The following PPP1R9A variants were observed in gnomAD, a reference collection of about 807,000 sequenced individuals.
PPP1R9A encodes protein phosphatase 1 regulatory subunit 9A, also known as neurabin-1.
A neutral mutation model predicts 141.9 loss-of-function variants in PPP1R9A; 59 were observed. That is an observed-to-expected ratio of 0.42 (90% CI 0.34 to 0.52). The LOEUF is 0.52. PPP1R9A is among the 20% of genes least tolerant of loss of function. The probability of loss-of-function intolerance (pLI) is 0.10; values close to 1 mark genes in which losing one functional copy is unlikely to be tolerated. For missense variants in PPP1R9A, 1,444 were observed against 1,611.9 expected (o/e 0.90, Z 1.78); for synonymous variants, 500 against 569.7 (o/e 0.88, Z 1.74).
At chr7:95,130,728 A>G (rs1182970293) in intron 4 of PPP1R9A, among the ~76,000 whole-genome samples, 1 of 152,152 alleles carries the variant, frequency 6.6e-6, no homozygotes, top group Non-Finnish European at 1.5e-5. Flanking sequence ...CACCTCTTAT[A>G]TCATGTGACC....
intron 2 of PPP1R9A, among the ~76,000 whole-genome samples, chr7:94,995,430 C>G (rs1802051106): frequency 6.6e-6 from 1 of 151,948 alleles, no homozygotes; most frequent in African/African-American, 2.4e-5. Flanking sequence ...GGACTCAAAT[C>G]ACACATATGT....
intron 4 of PPP1R9A, among the ~76,000 whole-genome samples, chr7:95,140,233 G>A (rs1266750511): frequency 6.6e-6 from 1 of 152,106 alleles, no homozygotes; most frequent in Non-Finnish European, 1.5e-5. Flanking sequence ...GACTAACAAA[G>A]GGAAAAAGTG....
At chr7:95,101,187 T>C (rs1818751090) in intron 2 of PPP1R9A, among the ~76,000 whole-genome samples, 1 of 152,156 alleles carries the variant, frequency 6.6e-6, no homozygotes, top group Non-Finnish European at 1.5e-5. Flanking sequence ...TGTTTTCACT[T>C]AAAATGAGGT....
chr7:94,999,159 T>C (rs972571862), intron 2 of PPP1R9A, among the ~76,000 whole-genome samples: 16 of 152,224 alleles, frequency 1.1e-4, no homozygotes, highest in African/African-American at 3.9e-4. Context: ...GAACTCTAAG[T>C]AGTAGATCAT....
chr7:95,257,747 A>G (rs953727536), intron 12 of PPP1R9A, among the ~76,000 whole-genome samples: 6 of 151,982 alleles, frequency 3.9e-5, no homozygotes, highest in African/African-American at 1.2e-4. Flanking sequence ...ATTCTCACCT[A>G]TGAGTGAGAA....
rs148499510 is a variant in PPP1R9A, at chr7:95,007,508, C to T, written c.1395+96000C>T. 1.3e-3 allele frequency among the ~76,000 whole-genome samples: 198 copies of T among 152,270 alleles called. 1 individual carries two copies. The highest frequency in any genetic ancestry group is 4.3e-3 in the African/African-American group (178 of 41,564). ...TGTTTGTATTCTCTCATTTCCCATA[C>T]ATATGTCTCCTCAATTGTGTTATTA... On this transcript the variant is annotated intron_variant, in intron 2 of 19. Transcript: ENST00000433360.
chr7:94,984,811 G>GT (rs1251858690), intron 2 of PPP1R9A, among the ~76,000 whole-genome samples: 3 of 152,040 alleles, frequency 2.0e-5, no homozygotes, highest in East Asian at 1.9e-4. Flanking sequence ...TTTTTGAAGG[G>GT]TTTTTTGTGT....
At chr7:95,184,602 G>A (rs993864613) in intron 5 of PPP1R9A, among the ~76,000 whole-genome samples, 10 of 152,096 alleles carry the variant, frequency 6.6e-5, no homozygotes, top group African/African-American at 1.9e-4. Flanking sequence ...TGTGTAGTCT[G>A]TTATCCCTCA....
intron 1 of PPP1R9A, 25 bp from the exon 2 acceptor site, chr7:94,909,873 A>G (rs186021129): frequency 1.6e-4 from 60 of 365,514 alleles, no homozygotes; most frequent in African/African-American, 8.6e-4. Context: ...AAATGAATTC[A>G]GAAATTCATT....
chr7:95,017,031 A>C (rs2151678219), intron 2 of PPP1R9A, among the ~76,000 whole-genome samples: 1 of 152,282 alleles, frequency 6.6e-6, no homozygotes, highest in East Asian at 1.9e-4. Context: ...AGCCATATGA[A>C]GATGGAGACA....
chr7:95,272,153 T>C (rs1056251483), intron 14 of PPP1R9A, among the ~76,000 whole-genome samples: 1 of 152,210 alleles, frequency 6.6e-6, no homozygotes, highest in African/African-American at 2.4e-5. Flanking sequence ...TGTTTTCGTG[T>C]ACATTGCCTC....
Position 95,093,142 on chromosome 7 carries a change from G to A in PPP1R9A, c.1396-18117G>A, listed in dbSNP as rs145548672. 6.4e-3 allele frequency among the ~76,000 whole-genome samples: 977 copies of A among 151,944 alleles called. 10 individuals are homozygous for A. The highest frequency in any genetic ancestry group is 0.022 in the African/African-American group (928 of 41,422). On this transcript the variant is annotated intron_variant, in intron 2 of 19. Transcript: ENST00000433360. Reference sequence around the variant, plus strand: ...TTATTTTGTTTTGTTTTTTTGGCTCGGGAGAGGACAGGCACCAACAGATAG... The same window carrying A: ...TTATTTTGTTTTGTTTTTTTGGCTCAGGAGAGGACAGGCACCAACAGATAG...
intron 2 of PPP1R9A, among the ~76,000 whole-genome samples, chr7:94,965,363 CT>C (rs1271883832): frequency 1.3e-5 from 2 of 151,978 alleles, no homozygotes; most frequent in Non-Finnish European, 2.9e-5. Flanking sequence ...ATTGCTATTG[CT>C]TTTGGTGTTT....
chr7:95,293,268 C>T lies in PPP1R9A; in HGVS notation c.*2965C>T, dbSNP rs968137090. On this transcript the variant is annotated 3_prime_UTR_variant, in exon 20 of 20. Coordinates refer to ENST00000433360, the MANE Select transcript of PPP1R9A (RefSeq NM_001166160.2). Reference sequence around the variant, plus strand: ...AGACCATCTCCCTTCAAGTAACTCACAGTTTATGTAATACTAATCTCATTC... The same window carrying T: ...AGACCATCTCCCTTCAAGTAACTCATAGTTTATGTAATACTAATCTCATTC... The T allele has an allele frequency of 6.6e-6, 1 of 152,166 alleles. No homozygotes were observed. Among genetic ancestry groups the T allele is most frequent in the Non-Finnish European group, 1.5e-5 (1 of 68,030 alleles). The allele number at this position is 152,166 out of a possible 1,614,324, so 9.4% of individuals were successfully genotyped here. A position where few individuals can be genotyped will look rare whatever the true frequency, so the allele number is the denominator to read the frequency against.
At chr7:94,957,229 C>G (rs751936256) in intron 2 of PPP1R9A, among the ~76,000 whole-genome samples, 2 of 152,098 alleles carry the variant, frequency 1.3e-5, no homozygotes, top group Non-Finnish European at 2.9e-5. Flanking sequence ...CACTCATGTG[C>G]TGTACAGTTT....
intron 2 of PPP1R9A, among the ~76,000 whole-genome samples, chr7:94,918,827 A>G (rs1008483629): frequency 4.6e-5 from 7 of 152,342 alleles, no homozygotes; most frequent in African/African-American, 1.7e-4. Context: ...ACACTACAGG[A>G]AAGTCTAGAG....
intron 2 of PPP1R9A, among the ~76,000 whole-genome samples, chr7:95,090,683 A>G (rs943596048): frequency 2.6e-5 from 4 of 151,690 alleles, no homozygotes; most frequent in East Asian, 1.9e-4. Context: ...TGGTGTGCAC[A>G]TATAATCCCA....
chr7:95,160,118 A>T (rs943760499), intron 4 of PPP1R9A, among the ~76,000 whole-genome samples: 5 of 151,956 alleles, frequency 3.3e-5, no homozygotes, highest in African/African-American at 9.7e-5. Context: ...ATGTAAAAGT[A>T]TTATACAATA....
chr7:95,209,226 T>C (rs1037690861), intron 7 of PPP1R9A, among the ~76,000 whole-genome samples: 3 of 152,220 alleles, frequency 2.0e-5, no homozygotes, highest in Non-Finnish European at 2.9e-5. Flanking sequence ...TTTGCAGTTA[T>C]GTGATTATGT....
Sources: allele counts gnomAD v4.1 joint callset (sites outside exome capture counted in the v4.1 genomes callset), GRCh38; gene constraint gnomAD v4.1.1; transcripts MANE v1.5; gene names NCBI Gene and HGNC (gene_info 2026-07-23, HGNC 2026-07-21).